Variants in PREX1 observed in about 807,000 individuals in gnomAD.
PREX1 encodes phosphatidylinositol 3,4,5-trisphosphate-dependent Rac exchanger 1 protein.
PREX1 carries 41 observed loss-of-function variants against 198.3 expected under a neutral mutation model. That is an observed-to-expected ratio of 0.21 (90% CI 0.16 to 0.27). The LOEUF is 0.27. Among genes scored for constraint, PREX1 ranks in the 10% least tolerant of loss-of-function variants. The pLI, the probability that PREX1 is intolerant of heterozygous loss-of-function variation, is 1.00. For missense variants in PREX1, 1,620 were observed against 2,200.7 expected, an observed-to-expected ratio of 0.74 and a Z score of 5.28; for synonymous variants, 843 against 887.2, an observed-to-expected ratio of 0.95 and a Z score of 0.89.
At chr20:48,774,719 C>T (rs1282110593) in intron 1 of PREX1, among the ~76,000 whole-genome samples, 2 of 152,246 alleles carry the variant, frequency 1.3e-5, no homozygotes, top group African/African-American at 4.8e-5. Flanking sequence ...AAGGATGTGA[C>T]AGGGCAGGGA....
At chr20:48,758,459 C>T (rs2090164572) in intron 1 of PREX1, among the ~76,000 whole-genome samples, 1 of 152,012 alleles carries the variant, frequency 6.6e-6, no homozygotes, top group Non-Finnish European at 1.5e-5. Context: ...GGGTGTAGGG[C>T]CCCCCCGAGC....
Position 48,634,690 on chromosome 20 carries a change from T to C in PREX1, c.4253A>G (p.Glu1418Gly), listed in dbSNP as rs759489415. ...NVTFSFKQLD[E>G]NYVANTNVFY... ...AAATCACTCACTGGCCACATAGTTC[T>C]CGTCCAGCTGCTTAAAGGAGAAGGT... Residue 1418 changes from glutamate to glycine, a missense_variant, in exon 33 of 40, where the codon GAG becomes GGG. Glu to Gly is a moderately conservative substitution (Grantham distance 98). Around this residue, in one of 7 missense-constraint regions of PREX1, gnomAD observed 476 missense variants for 603.4 expected, o/e 0.79. Coordinates refer to ENST00000371941, the MANE Select transcript of PREX1 (RefSeq NM_020820.4). The C allele has an allele frequency of 6.2e-7, 1 of 1,614,156 alleles. No homozygotes were observed. The highest frequency in any genetic ancestry group is 8.5e-7 in the Non-Finnish European group (1 of 1,179,996).
intron 24 of PREX1, 145 bp downstream of exon 24, chr20:48,649,851 T>A: frequency 9.9e-7 from 1 of 1,014,426 alleles, no homozygotes; most frequent in Non-Finnish European, 1.5e-6. Context: ...CATCTAGAGA[T>A]GCTGTCCCAT....
chr20:48,858,392 A>G, the PREX1 span, among the ~76,000 whole-genome samples: 1 of 152,240 alleles, frequency 6.6e-6, no homozygotes, highest in Non-Finnish European at 1.5e-5. Context: ...CGGCTTCTGC[A>G]GGTCACACTC....
At chr20:48,638,095 ATC>A (rs1429750255) in intron 30 of PREX1, among the ~76,000 whole-genome samples, 1 of 152,110 alleles carries the variant, frequency 6.6e-6, no homozygotes, top group Non-Finnish European at 1.5e-5. Context: ...ATACACACGT[ATC>A]CATACACACA....
rs2089260855 is a variant in PREX1 at position 48,625,178 on chromosome 20, A to G, written c.*707T>C. 6.6e-6 allele frequency: 1 copy of G among 152,604 alleles called. No homozygotes were observed. Among genetic ancestry groups the G allele is most frequent in the African/African-American group, 2.4e-5 (1 of 41,428 alleles). 9.5% of individuals were successfully genotyped at this position (152,604 alleles called of 1,614,324 possible). A position where few individuals can be genotyped will look rare whatever the true frequency, so the allele number is the denominator to read the frequency against. ...CAAATATATAATCACACAACTTTAG[A>G]AAAAACAAACTTTGACAACACCAAC... On this transcript the variant is annotated 3_prime_UTR_variant, in exon 40 of 40. Transcript: ENST00000371941.
intron 1 of PREX1, among the ~76,000 whole-genome samples, chr20:48,757,065 G>A (rs937421547): frequency 6.6e-6 from 1 of 152,092 alleles, no homozygotes; most frequent in African/African-American, 2.4e-5. Flanking sequence ...TGACACATGG[G>A]AATTATGGGA....
At chr20:48,732,686 G>A (rs2090039407) in intron 4 of PREX1, among the ~76,000 whole-genome samples, 1 of 152,204 alleles carries the variant, frequency 6.6e-6, no homozygotes, top group East Asian at 1.9e-4. Context: ...TTCTTCCACA[G>A]TGATCACATT....
At chr20:48,656,107 G>C (rs1347159651) in intron 18 of PREX1, among the ~76,000 whole-genome samples, 2 of 152,090 alleles carry the variant, frequency 1.3e-5, no homozygotes, top group Non-Finnish European at 2.9e-5. Context: ...CCCTAAGTCA[G>C]CTCGCCTTTT....
the PREX1 span, among the ~76,000 whole-genome samples, chr20:48,886,035 C>T: frequency 6.6e-6 from 1 of 152,104 alleles, no homozygotes; most frequent in Non-Finnish European, 1.5e-5. Flanking sequence ...AATCCCGAAA[C>T]CTAATGTAAA....
chr20:48,768,068 G>A (rs368383697), intron 1 of PREX1, among the ~76,000 whole-genome samples: 1 of 152,200 alleles, frequency 6.6e-6, no homozygotes. Context: ...GAGGTAGACA[G>A]AAGATGCTGA....
chr20:48,636,441 C>T (rs2089363967), intron 32 of PREX1, 22 bp downstream of exon 32: 1 of 1,579,166 alleles, frequency 6.3e-7, no homozygotes, highest in East Asian at 2.3e-5. Context: ...AGCGGGGCCG[C>T]CCTCCCGCCC....
chr20:48,852,338 C>A, the PREX1 span, among the ~76,000 whole-genome samples: 1 of 152,116 alleles, frequency 6.6e-6, no homozygotes, highest in Non-Finnish European at 1.5e-5. Flanking sequence ...TCCCATAGGT[C>A]ATGGTGCTGG....
At chr20:48,636,863 A>G (rs986580036) in intron 31 of PREX1, among the ~76,000 whole-genome samples, 180 bp from the exon 32 acceptor site, 4 of 152,238 alleles carry the variant, frequency 2.6e-5, no homozygotes, top group African/African-American at 7.2e-5. Context: ...ACAAAAATCA[A>G]TTCTACGAAA....
intron 1 of PREX1, among the ~76,000 whole-genome samples, chr20:48,785,700 T>C (rs911204407): frequency 6.6e-6 from 1 of 152,162 alleles, no homozygotes; most frequent in Non-Finnish European, 1.5e-5. Context: ...CTTCAAGATG[T>C]CACCACCTCC....
chr20:48,644,566 C>A (rs1442769057), intron 26 of PREX1, 69 bp from the exon 27 acceptor site: 2 of 1,413,602 alleles, frequency 1.4e-6, no homozygotes, highest in Non-Finnish European at 2.0e-6. Context: ...GCACCCAAAA[C>A]CCACTTTCTA....
At chr20:48,821,952 G>A (rs988109709) in intron 1 of PREX1, 3 of 152,184 alleles carry the variant, frequency 2.0e-5, no homozygotes, top group African/African-American at 7.2e-5. Flanking sequence ...CTTCTTATAA[G>A]GACAACGACC....
At chr20:48,633,198 G>A (rs146764839) in intron 33 of PREX1, among the ~76,000 whole-genome samples, 1,723 of 152,330 alleles carry the variant, frequency 0.011, 33 homozygotes, top group African/African-American at 0.04. Flanking sequence ...ACAGGCAGCT[G>A]CTGCTGCCTA....
chr20:48,705,905 G>A (rs2089900730), intron 6 of PREX1, among the ~76,000 whole-genome samples: 1 of 152,122 alleles, frequency 6.6e-6, no homozygotes, highest in African/African-American at 2.4e-5. Flanking sequence ...CTCGAGGCAG[G>A]GCAAACTTAC....
Sources: allele counts gnomAD v4.1 joint callset (sites outside exome capture counted in the v4.1 genomes callset), GRCh38; gene constraint gnomAD v4.1.1; regional missense constraint gnomAD v4.1.1; transcripts MANE v1.5; gene names NCBI Gene and HGNC (gene_info 2026-07-23, HGNC 2026-07-21).